The following PPP1R12B variants were observed in gnomAD, a reference collection of about 807,000 sequenced individuals.
The protein encoded by PPP1R12B is myosin phosphatase target subunit 2.
PPP1R12B carries 76 observed loss-of-function variants against 126.1 expected under a neutral mutation model. The observed-to-expected ratio is 0.60, with a 90% CI of 0.50 to 0.73. The LOEUF (loss-of-function observed/expected upper bound fraction) is 0.73, where lower values mean the gene tolerates loss of function less well. Among genes scored for constraint, PPP1R12B ranks in the 30% least tolerant of loss-of-function variants. The pLI is 0.00. For missense variants in PPP1R12B, 1,052 were observed against 1,205.1 expected (o/e 0.87, Z 1.88); for synonymous variants, 356 against 434.7 (o/e 0.82, Z 2.25).
At position 202,467,634 on chromosome 1, in the gene PPP1R12B, T is replaced by A. The variant is rs557088110; in HGVS notation, c.1850+18463T>A. Among the ~76,000 whole-genome samples the A allele has an allele frequency of 3.3e-5, 5 of 152,338 alleles. No homozygotes were observed. In the East Asian group the frequency reaches 9.6e-4, roughly 29 times the overall value. ...AATCCAGTCTATCATTGTTGGACAT[T>A]TGGGTTGGTTCCAAGTCTTTGCTAT... On this transcript the variant is annotated intron_variant, in intron 13 of 23. Transcript: ENST00000608999.
At chr1:202,481,235 C>T (rs534046221) in intron 13 of PPP1R12B, among the ~76,000 whole-genome samples, 2 of 152,230 alleles carry the variant, frequency 1.3e-5, no homozygotes, top group South Asian at 2.1e-4. Context: ...GTCTGCAGCC[C>T]GGGGGTTGGG....
rs1687969734 is a variant in PPP1R12B, at chr1:202,565,526, C to G, written c.2757+979C>G. On this transcript the variant is annotated intron_variant, in intron 21 of 23. Coordinates refer to ENST00000608999, the MANE Select transcript of PPP1R12B (RefSeq NM_002481.4). This position sits in a 1 kb window ranked among gnomAD's most constrained non-coding sequence, Gnocchi z 4.3. ...CCCTCTAAACATCCTATTCTAACCC[C>G]TCTGGAATTGCATGAGCAGGAGGGT... Among the ~76,000 whole-genome samples, 1 of 152,140 alleles carries G rather than the reference C, an allele frequency of 6.6e-6. No individual in the cohort carries two copies. The highest frequency in any genetic ancestry group is 6.5e-5 in the Admixed American group (1 of 15,274).
chr1:202,555,324 T>TAA (rs1686776254), intron 18 of PPP1R12B, among the ~76,000 whole-genome samples: 1 of 5,008 alleles, frequency 2.0e-4, no homozygotes, highest in African/African-American at 5.2e-4. Flanking sequence ...CCTGTTTTAA[T>TAA]GAAAAAAAAA....
intron 10 of PPP1R12B, chr1:202,439,292 G>A (rs1671284668): frequency 1.4e-6 from 2 of 1,421,420 alleles, no homozygotes; most frequent in African/African-American, 1.4e-5. Flanking sequence ...AGCAGGGTGA[G>A]TACAGTGAGG....
At chr1:202,504,115 CCGGCCG>C (rs1487034116) in intron 18 of PPP1R12B, among the ~76,000 whole-genome samples, 1 of 152,102 alleles carries the variant, frequency 6.6e-6, no homozygotes, top group Admixed American at 6.5e-5. Flanking sequence ...ACTCTTGAGG[CCGGCCG>C]TAGTGGCTCA....
At chr1:202,486,334 T>G in intron 13 of PPP1R12B, among the ~76,000 whole-genome samples, 1 of 152,146 alleles carries the variant, frequency 6.6e-6, no homozygotes, top group East Asian at 1.9e-4. Flanking sequence ...CAAAACAATT[T>G]GAGAACCACT....
chr1:202,570,615 AT>A (rs1300545673), intron 23 of PPP1R12B, among the ~76,000 whole-genome samples: 3 of 152,170 alleles, frequency 2.0e-5, no homozygotes, highest in Non-Finnish European at 4.4e-5. Flanking sequence ...GCATCTTGTG[AT>A]TTTTTTCAAA....
In PPP1R12B at chr1:202,372,131, A is replaced by G. The variant is rs371901759; in HGVS notation, c.291+22989A>G. ...GGTGATCTACCCACCTCGGCCTCCC[A>G]AAGTGTTGGGATTATAGGCGTGAGC... On this transcript the variant is annotated intron_variant, in intron 1 of 23. Coordinates refer to ENST00000608999, the MANE Select transcript of PPP1R12B (RefSeq NM_002481.4). Among the ~76,000 whole-genome samples, 93 of 152,110 alleles carry G rather than the reference A, an allele frequency of 6.1e-4. No homozygotes were observed. The South Asian group carries it at 0.011, about 18-fold the overall frequency.
At chr1:202,366,273 C>G (rs1289784110) in intron 1 of PPP1R12B, among the ~76,000 whole-genome samples, 2 of 151,978 alleles carry the variant, frequency 1.3e-5, no homozygotes, top group Non-Finnish European at 2.9e-5. Context: ...AATCCCAGCA[C>G]TTTGGGAGGC....
chr1:202,488,498 AT>A, intron 13 of PPP1R12B, 34 bp from the exon 14 acceptor site: 1 of 1,457,518 alleles, frequency 6.9e-7, no homozygotes, highest in Non-Finnish European at 9.5e-7. Context: ...TGCAGCAAAG[AT>A]CTTGCTTTTG....
chr1:202,497,889 G>T (rs1386632969), intron 18 of PPP1R12B, among the ~76,000 whole-genome samples: 1 of 152,176 alleles, frequency 6.6e-6, no homozygotes, highest in East Asian at 1.9e-4. Context: ...AGTGAATATA[G>T]GAAAGTTCCT....
At chr1:202,531,957 A>G (rs1170771809) in intron 18 of PPP1R12B, among the ~76,000 whole-genome samples, 1 of 152,238 alleles carries the variant, frequency 6.6e-6, no homozygotes, top group Non-Finnish European at 1.5e-5. Flanking sequence ...AAGCAAGTTT[A>G]TTTAGAAAGT....
At chr1:202,423,106 C>CGAAAA (rs1669027710) in intron 3 of PPP1R12B, among the ~76,000 whole-genome samples, 1 of 152,092 alleles carries the variant, frequency 6.6e-6, no homozygotes, top group African/African-American at 2.4e-5. Flanking sequence ...TGCATCTTTT[C>CGAAAA]CCTTGTTGAG....
chr1:202,548,859 A>G (rs1363237160), intron 18 of PPP1R12B, among the ~76,000 whole-genome samples: 4 of 147,174 alleles, frequency 2.7e-5, no homozygotes, highest in Admixed American at 6.8e-5. Context: ...ATAAGTATCT[A>G]TGATAAAACT....
intron 13 of PPP1R12B, among the ~76,000 whole-genome samples, chr1:202,451,287 C>T (rs1259192597): frequency 6.7e-6 from 1 of 149,346 alleles, no homozygotes; most frequent in Non-Finnish European, 1.5e-5. Context: ...GAACAAAGGT[C>T]TCTGGTTTTC....
chr1:202,355,824 T>C (rs991056429), intron 1 of PPP1R12B, among the ~76,000 whole-genome samples: 1 of 152,298 alleles, frequency 6.6e-6, no homozygotes, highest in Admixed American at 6.5e-5. Context: ...CAGGTAGAAA[T>C]AGTATTCAGT....
chr1:202,525,379 T>G (rs1683209615), intron 18 of PPP1R12B, among the ~76,000 whole-genome samples: 1 of 151,520 alleles, frequency 6.6e-6, no homozygotes, highest in Non-Finnish European at 1.5e-5. Context: ...CTTTCCAGTG[T>G]GAGTGAAAAA....
chr1:202,459,312 G>A (rs1244496293), intron 13 of PPP1R12B, among the ~76,000 whole-genome samples: 1 of 152,136 alleles, frequency 6.6e-6, no homozygotes, highest in East Asian at 1.9e-4. Flanking sequence ...TGGGGCAGAG[G>A]GAGCAGGAGG....
chr1:202,476,202 C>T (rs1572195414), intron 13 of PPP1R12B, among the ~76,000 whole-genome samples: 1 of 121,164 alleles, frequency 8.3e-6, no homozygotes. Flanking sequence ...GAGACTCTGT[C>T]TCAAAAAAAA....
Sources: allele counts gnomAD v4.1 joint callset (sites outside exome capture counted in the v4.1 genomes callset), GRCh38; gene constraint gnomAD v4.1.1; non-coding constraint Gnocchi (gnomAD v3.1); transcripts MANE v1.5; gene names NCBI Gene and HGNC (gene_info 2026-07-23, HGNC 2026-07-21).